ZNF205: variants seen among roughly 807,000 people sequenced by gnomAD.
ZNF205 encodes transcriptional repressor RHIT.
In ZNF205, 32 loss-of-function variants were observed where a neutral mutation model predicts 53.6. The observed-to-expected ratio is 0.60, with a 90% CI of 0.45 to 0.80. ZNF205 has a LOEUF of 0.80. Ranked by LOEUF, ZNF205 falls within the 30% of genes least tolerant of loss-of-function variation. The probability of loss-of-function intolerance (pLI) is 0.00; values close to 1 mark genes in which losing one functional copy is unlikely to be tolerated. For synonymous variants in ZNF205, 382 were observed against 334.3 expected, an observed-to-expected ratio of 1.14 and a Z score of -1.56; for missense variants, 836 against 782.4, an observed-to-expected ratio of 1.07 and a Z score of -0.82.
At position 3,120,396 on chromosome 16, in the gene ZNF205, G is replaced by C; in HGVS notation, c.*71G>C. Reference sequence around the variant, plus strand: ...CCCCACTGGAGTCAAGGCTCCGAGGGAGGAGAGAGGGGCTCGGGAAGGGAG... The same window carrying C: ...CCCCACTGGAGTCAAGGCTCCGAGGCAGGAGAGAGGGGCTCGGGAAGGGAG... On this transcript the variant is annotated 3_prime_UTR_variant, in exon 7 of 7. Coordinates refer to ENST00000219091, the MANE Select transcript of ZNF205 (RefSeq NM_001042428.2). The C allele has an allele frequency of 5.6e-6, 8 of 1,426,292 alleles. No homozygotes were observed. The highest frequency in any genetic ancestry group is 6.4e-6 in the Non-Finnish European group (7 of 1,090,022). 88.4% of individuals were successfully genotyped at this position (1,426,292 alleles called of 1,614,324 possible). A position where few individuals can be genotyped will look rare whatever the true frequency, so the allele number is the denominator to read the frequency against.
Position 3,120,449 on chromosome 16 carries a change from C to T in ZNF205, c.*124C>T, listed in dbSNP as rs182531088. The T allele has an allele frequency of 4.3e-5, 50 of 1,171,282 alleles. No homozygotes were observed. Among genetic ancestry groups the T allele is most frequent in the Non-Finnish European group, 1.9e-5 (16 of 859,752 alleles). The allele number at this position is 1,171,282 out of a possible 1,614,324, so 72.6% of individuals were successfully genotyped here. A position where few individuals can be genotyped will look rare whatever the true frequency, so the allele number is the denominator to read the frequency against. On this transcript the variant is annotated 3_prime_UTR_variant, in exon 7 of 7. Transcript: ENST00000219091. ...GGGGCGGTGAGGGCATGGGGTGAGG[C>T]ATGGCGATGGGGGAGGGCGAGGGCG...
At position 3,115,330 on chromosome 16, in the gene ZNF205, G is replaced by A. The variant is rs1413284897; in HGVS notation, c.58-25G>A. 2.0e-6 allele frequency: 3 copies of A among 1,532,528 alleles called. No individual in the cohort carries two copies. In the African/African-American group the frequency reaches 4.2e-5, roughly 21 times the overall value. The allele number at this position is 1,532,528 out of a possible 1,614,324, so 94.9% of individuals were successfully genotyped here. A position where few individuals can be genotyped will look rare whatever the true frequency, so the allele number is the denominator to read the frequency against. On this transcript the variant is annotated intron_variant, in intron 2 of 6. Coordinates refer to ENST00000219091, the MANE Select transcript of ZNF205 (RefSeq NM_001042428.2). ...CTGGGTGTCTCTCCCACTCATCTGGGTGCTGATGGGGCTGTCCTTTCTAGG... is the reference window on the plus strand; with the variant it reads ...CTGGGTGTCTCTCCCACTCATCTGGATGCTGATGGGGCTGTCCTTTCTAGG...
Position 3,118,922 on chromosome 16 carries a change from C to A in ZNF205, c.502C>A (p.Pro168Thr), listed in dbSNP as rs776922771. The A allele has an allele frequency of 3.1e-6, 5 of 1,613,576 alleles. No homozygotes were observed. In the Admixed American group the frequency reaches 6.7e-5, roughly 22 times the overall value. ...CTGGGCAGGCTTTCCCTTCAGCAGGCCTTTCTGGGCCCCTCAAGCGCACGG... is the reference window on the plus strand; with the variant it reads ...CTGGGCAGGCTTTCCCTTCAGCAGGACTTTCTGGGCCCCTCAAGCGCACGG... Reference protein sequence around the residue: ...GLSLGFPFSRPFWAPQAHGKG... With the variant: ...GLSLGFPFSRTFWAPQAHGKG... Residue 168 changes from proline (P) to threonine (T), a missense_variant, in exon 6 of 7, where the codon CCT becomes ACT. Physicochemically the swap from Pro to Thr is conservative, Grantham distance 38 (BLOSUM62 -1). Transcript: ENST00000219091.
rs868291887 is a variant in ZNF205 at position 3,120,038 on chromosome 16, C to T, written c.1378C>T (p.Arg460Cys). 3 of 1,613,476 alleles carry T rather than the reference C, an allele frequency of 1.9e-6. No individual in the cohort carries two copies. Among genetic ancestry groups the T allele is most frequent in the Non-Finnish European group, 2.5e-6 (3 of 1,179,838 alleles). Residue 460 changes from arginine (R) to cysteine (C), a missense_variant, in exon 7 of 7, where the codon CGT becomes TGT. Arg to Cys is a radical substitution (Grantham distance 180). Coordinates refer to ENST00000219091, the MANE Select transcript of ZNF205 (RefSeq NM_001042428.2). Reference sequence around the variant, plus strand: ...CGAGTGCGGCAAGTGCTTCAGCCAGCGTTCCAACCTCATCGCGCACAACCG... The same window carrying T: ...CGAGTGCGGCAAGTGCTTCAGCCAGTGTTCCAACCTCATCGCGCACAACCG... The part of the protein sequence containing the change: ...CPECGKCFSQ[R>C]SNLIAHNRTH...
intron 2 of ZNF205, chr16:3,115,107 T>C (rs1168769507): frequency 2.9e-6 from 1 of 349,794 alleles, no homozygotes; most frequent in Admixed American, 4.8e-5. Flanking sequence ...CTGAGGTCAG[T>C]GTGAGGCTGG....
At position 3,119,252 on chromosome 16, in the gene ZNF205, C is replaced by T. The variant is rs1332158487; in HGVS notation, c.596-4C>T. 2.1e-5 allele frequency: 33 copies of T among 1,567,658 alleles called. No individual in the cohort carries two copies. Among genetic ancestry groups the T allele is most frequent in the Non-Finnish European group, 2.8e-5 (32 of 1,155,404 alleles). On this transcript the variant is annotated splice_polypyrimidine_tract_variant and splice_region_variant and intron_variant, in intron 6 of 6. Transcript: ENST00000219091. ...CCTAGCTGGAAACGACTTTCTTTTTCCAGGAGCCGTCGAGGTGGGGCAGAG... is the reference window on the plus strand; with the variant it reads ...CCTAGCTGGAAACGACTTTCTTTTTTCAGGAGCCGTCGAGGTGGGGCAGAG...
Position 3,115,581 on chromosome 16 carries a change from C to G in ZNF205, c.271+13C>G, listed in dbSNP as rs201446895. ...CTGCCTGGCGGAGGTAGGAGAGGGA[C>G]GGGGAAGAGGCGCTTTCCCAGGGAG... On this transcript the variant is annotated intron_variant, in intron 3 of 6. Coordinates refer to ENST00000219091, the MANE Select transcript of ZNF205 (RefSeq NM_001042428.2). 6.3e-7 allele frequency: 1 copy of G among 1,578,130 alleles called. No individual in the cohort carries two copies. Among genetic ancestry groups the G allele is most frequent in the Non-Finnish European group, 8.6e-7 (1 of 1,166,064 alleles).
At chr16:3,112,857 G>C (rs1957285296) in intron 1 of ZNF205, 175 bp downstream of exon 1, 1 of 201,010 alleles carries the variant, frequency 5.0e-6, no homozygotes, top group Non-Finnish European at 1.0e-5. Flanking sequence ...AGCAGGATGG[G>C]CATCCCAGGC....
chr16:3,119,175 C>G (rs1957385052), intron 6 of ZNF205, 81 bp from the exon 7 acceptor site: 3 of 1,512,156 alleles, frequency 2.0e-6, no homozygotes, highest in East Asian at 2.3e-5. Flanking sequence ...ATCCAGCCCC[C>G]ACCCTTAGCT....
intron 6 of ZNF205, 85 bp downstream of exon 6, chr16:3,119,100 G>A: frequency 6.5e-7 from 1 of 1,540,046 alleles, no homozygotes; most frequent in Middle Eastern, 2.3e-4. Flanking sequence ...GTGGGGCAGG[G>A]CCACCAGACC....
In ZNF205 at chr16:3,120,363, TG is replaced by T. The variant is rs1195240633; in HGVS notation, c.*40del. The T allele has an allele frequency of 1.4e-6, 2 of 1,463,246 alleles. No individual in the cohort carries two copies. Among genetic ancestry groups the T allele is most frequent in the Non-Finnish European group, 1.8e-6 (2 of 1,115,880 alleles). 90.6% of individuals were successfully genotyped at this position (1,463,246 alleles called of 1,614,324 possible). On this transcript the variant is annotated 3_prime_UTR_variant, in exon 7 of 7. Transcript: ENST00000219091. The stretch of plus-strand genomic sequence containing the variant: ...GGGGGAGCGGGGCGCCCAGGGCCAC[TG>T]GAACAGCCCCACTGGAGTCAAGGCT...
chr16:3,115,337 T>A lies in ZNF205; in HGVS notation c.58-18T>A, dbSNP rs778809369. ...TCTCTCCCACTCATCTGGGTGCTGA[T>A]GGGGCTGTCCTTTCTAGGTTCCAGA... is the stretch of plus-strand genomic sequence containing the variant. On this transcript the variant is annotated intron_variant, in intron 2 of 6. Coordinates refer to ENST00000219091, the MANE Select transcript of ZNF205 (RefSeq NM_001042428.2). 1.3e-6 allele frequency: 2 copies of A among 1,549,604 alleles called. No individual in the cohort carries two copies. The highest frequency in any genetic ancestry group is 3.9e-5 in the Admixed American group (2 of 51,382).
chr16:3,118,941 C>T lies in ZNF205; in HGVS notation c.521C>T (p.Ala174Val), dbSNP rs752402312. Residue 174 changes from alanine (A) to valine (V), a missense_variant, in exon 6 of 7, where the codon GCG becomes GTG. By Grantham distance (64) the Ala-to-Val change is moderately conservative (BLOSUM62 0). Coordinates refer to ENST00000219091, the MANE Select transcript of ZNF205 (RefSeq NM_001042428.2). ...PFSRPFWAPQ[A>V]HGKGEASGSS... is the part of the protein sequence containing the mutation. The stretch of plus-strand genomic sequence containing the variant: ...AGCAGGCCTTTCTGGGCCCCTCAAG[C>T]GCACGGCAAGGGTGAGGCCTCGGGC... 2.5e-6 allele frequency: 4 copies of T among 1,613,526 alleles called. No individual in the cohort carries two copies. Among genetic ancestry groups the T allele is most frequent in the East Asian group, 4.5e-5 (2 of 44,888 alleles).
In ZNF205 at chr16:3,119,469, C is replaced by A; in HGVS notation, c.809C>A (p.Pro270His). ...TPDAAPPDPS[P>H]TEPQEYRVPE... is the part of the protein sequence containing the mutation. ...GATGCAGCTCCGCCAGACCCCAGTC[C>A]CACGGAGCCCCAGGAGTACCGCGTC... The change falls in exon 7 of 7, where the codon CCC becomes CAC. Residue 270 changes from proline to histidine, a missense_variant. Coordinates refer to ENST00000219091, the MANE Select transcript of ZNF205 (RefSeq NM_001042428.2). The A allele has an allele frequency of 3.1e-6, 5 of 1,589,072 alleles. No individual in the cohort carries two copies. The highest frequency in any genetic ancestry group is 4.3e-6 in the Non-Finnish European group (5 of 1,168,914).
In ZNF205 at chr16:3,118,990, G is replaced by C. The variant is rs750375357; in HGVS notation, c.570G>C (p.Glu190Asp). 2.9e-5 allele frequency: 46 copies of C among 1,613,360 alleles called. No individual in the cohort carries two copies. Among genetic ancestry groups the C allele is most frequent in the Non-Finnish European group, 3.7e-5 (44 of 1,179,922 alleles). ...ASGSSRQAGD[E>D]KEWRGACTGA... is the part of the protein sequence containing the mutation. ...GCTCCAGCCGGCAGGCAGGAGATGA[G>C]AAGGAGTGGAGAGGCGCGTGCACAG... is the stretch of plus-strand genomic sequence containing the variant. Residue 190 changes from glutamate (E) to aspartate (D), a missense_variant, in exon 6 of 7, where the codon GAG (glutamate) becomes GAC (aspartate). Glu to Asp is a conservative substitution (Grantham distance 45, BLOSUM62 2). Transcript: ENST00000219091.
chr16:3,120,188 G>T lies in ZNF205; in HGVS notation c.1528G>T (p.Gly510Cys), dbSNP rs759413124. 5 of 1,612,852 alleles carry T rather than the reference G, an allele frequency of 3.1e-6. No individual in the cohort carries two copies. Among genetic ancestry groups the T allele is most frequent in the Admixed American group, 1.7e-5 (1 of 59,982 alleles). The change falls in exon 7 of 7, where the codon GGC (glycine) becomes TGC (cysteine). Residue 510 changes from glycine (G) to cysteine (C), a missense_variant. Physicochemically the swap from Gly to Cys is radical, Grantham distance 159. Coordinates refer to ENST00000219091, the MANE Select transcript of ZNF205 (RefSeq NM_001042428.2). ...GCGGCCCTACGCCTGCCCGTTGTGCGGCAAGAGCTTCAGCCGGCGCTCCAA... is the reference window on the plus strand; with the variant it reads ...GCGGCCCTACGCCTGCCCGTTGTGCTGCAAGAGCTTCAGCCGGCGCTCCAA... ...GVRPYACPLC[G>C]KSFSRRSNLH...
intron 2 of ZNF205, 65 bp downstream of exon 2, chr16:3,113,552 G>A (rs1051882540): frequency 1.3e-6 from 2 of 1,577,758 alleles, no homozygotes; most frequent in Non-Finnish European, 1.7e-6. Context: ...AGATTTTCAA[G>A]GCACAGAGTC....
In ZNF205 at chr16:3,119,684, G is replaced by C. The variant is rs1022069158; in HGVS notation, c.1024G>C (p.Gly342Arg). Residue 342 changes from glycine (G) to arginine (R), a missense_variant, in exon 7 of 7, where the codon GGG becomes CGG. Transcript: ENST00000219091. ...GAAGCCCTACGCCTGCACTGACTGC[G>C]GGAAGCGCTTCGGCCGCAGCTCGCA... ...GEKPYACTDCGKRFGRSSHLI... is the reference protein window; with the variant it reads ...GEKPYACTDCRKRFGRSSHLI... 6.2e-7 allele frequency: 1 copy of C among 1,613,364 alleles called. No individual in the cohort carries two copies. Among genetic ancestry groups the C allele is most frequent in the Non-Finnish European group, 8.5e-7 (1 of 1,179,838 alleles).
At chr16:3,118,012 CTT>C (rs71158135) in intron 5 of ZNF205, among the ~76,000 whole-genome samples, 3 of 74,288 alleles carry the variant, frequency 4.0e-5, no homozygotes, top group African/African-American at 1.1e-4. Flanking sequence ...CCATGCCCGG[CTT>C]TTTTTTTTTT....
Sources: allele counts gnomAD v4.1 joint callset (sites outside exome capture counted in the v4.1 genomes callset), GRCh38; gene constraint gnomAD v4.1.1; transcripts MANE v1.5; gene names NCBI Gene and HGNC (gene_info 2026-07-23, HGNC 2026-07-21).